Variants in NFIB observed in about 807,000 individuals in gnomAD.
NFIB encodes the protein nuclear factor I B.
A neutral mutation model predicts 61.5 loss-of-function variants in NFIB; 11 were observed. The observed-to-expected ratio is 0.18, with a 90% confidence interval of 0.11 to 0.30. The LOEUF (loss-of-function observed/expected upper bound fraction) is 0.30. NFIB is among the 10% of genes least tolerant of loss of function. The pLI, the probability that NFIB is intolerant of heterozygous loss-of-function variation, is 1.00. For missense variants in NFIB, 471 were observed against 608.9 expected (o/e 0.77, Z 2.38); for synonymous variants, 260 against 216.5 (o/e 1.20, Z -1.76).
chr9:14,412,609 G>T, the NFIB span, among the ~76,000 whole-genome samples: 1 of 152,266 alleles, frequency 6.6e-6, no homozygotes, highest in Non-Finnish European at 1.5e-5. Context: ...GCTTCCAGAA[G>T]ATGTGATCTG....
intron 2 of NFIB, among the ~76,000 whole-genome samples, chr9:14,181,891 T>A (rs1329748723): frequency 6.6e-6 from 1 of 152,206 alleles, no homozygotes; most frequent in East Asian, 1.9e-4. Context: ...AGCAGTCGCC[T>A]TATTTCAGGA....
the NFIB span, among the ~76,000 whole-genome samples, chr9:14,408,322 A>C: frequency 6.6e-6 from 1 of 152,210 alleles, no homozygotes; most frequent in Non-Finnish European, 1.5e-5. Context: ...CTAAACCATG[A>C]ACCTATTTCA....
At chr9:14,279,874 T>C (rs1156913295) in intron 2 of NFIB, among the ~76,000 whole-genome samples, 1 of 152,194 alleles carries the variant, frequency 6.6e-6, no homozygotes, top group Admixed American at 6.5e-5. Flanking sequence ...TCCTTTTGCA[T>C]ATTTCTCATC....
the NFIB span, among the ~76,000 whole-genome samples, chr9:14,410,478 G>T: frequency 2.0e-5 from 3 of 152,308 alleles, no homozygotes; most frequent in East Asian, 5.8e-4. Flanking sequence ...GAGGTTAGGA[G>T]ATTTGGGAAG....
chr9:14,116,457 C>A, intron 8 of NFIB, 111 bp from the exon 9 acceptor site: 1 of 1,142,124 alleles, frequency 8.8e-7, no homozygotes, highest in Non-Finnish European at 1.1e-6. Context: ...TGCGCATAGG[C>A]GCCACACAGG....
At chr9:14,431,219 A>T in the NFIB span, among the ~76,000 whole-genome samples, 1 of 152,212 alleles carries the variant, frequency 6.6e-6, no homozygotes, top group Non-Finnish European at 1.5e-5. Flanking sequence ...TGATGAAAAC[A>T]ACCATTGGTT....
At chr9:14,451,484 T>G in the NFIB span, among the ~76,000 whole-genome samples, 6 of 152,316 alleles carry the variant, frequency 3.9e-5, no homozygotes, top group East Asian at 1.2e-3. Flanking sequence ...GTTTCTAAAA[T>G]ATAAGGATGT....
chr9:14,267,423 A>C (rs2057291237), intron 2 of NFIB, among the ~76,000 whole-genome samples: 1 of 152,172 alleles, frequency 6.6e-6, no homozygotes, highest in African/African-American at 2.4e-5. Context: ...CAAATGGCTC[A>C]AAGGGCCTTT....
At position 14,082,762 on chromosome 9, in the gene NFIB, A is replaced by G. The variant is rs2032195578; in HGVS notation, c.*5547T>C. The G allele has an allele frequency of 5.2e-6, 1 of 194,016 alleles. No homozygotes were observed. Among genetic ancestry groups the G allele is most frequent in the Non-Finnish European group, 1.1e-5 (1 of 94,684 alleles). The allele number at this position is 194,016 out of a possible 1,614,324, so 12.0% of individuals were successfully genotyped here. ...CTCGATGAAGGATGCATAAAAAGCC[A>G]TACTTCTTAAAAAAAAAAAAAAGAA... On this transcript the variant is annotated 3_prime_UTR_variant, in exon 11 of 11. Coordinates refer to ENST00000380953, the MANE Select transcript of NFIB (RefSeq NM_001190737.2).
intron 6 of NFIB, among the ~76,000 whole-genome samples, chr9:14,136,134 G>C (rs1228522584): frequency 4.6e-5 from 7 of 152,066 alleles, no homozygotes; most frequent in Non-Finnish European, 8.8e-5. Flanking sequence ...GAATAATGAA[G>C]AACAGTGCTA....
chr9:14,306,259 C>T (rs2060012963), intron 2 of NFIB, among the ~76,000 whole-genome samples: 1 of 152,116 alleles, frequency 6.6e-6, no homozygotes, highest in African/African-American at 2.4e-5. Flanking sequence ...CGACTTTCCT[C>T]CTCGGTAAGT....
At chr9:14,475,017 CA>C in the NFIB span, among the ~76,000 whole-genome samples, 1 of 152,186 alleles carries the variant, frequency 6.6e-6, no homozygotes, top group African/African-American at 2.4e-5. Context: ...TCAACTGAAT[CA>C]AATGCTAATG....
intron 2 of NFIB, among the ~76,000 whole-genome samples, chr9:14,225,795 CA>C (rs2052328847): frequency 6.6e-6 from 1 of 152,052 alleles, no homozygotes; most frequent in Non-Finnish European, 1.5e-5. Context: ...TCCAGAAATA[CA>C]GAACAAAATA....
At chr9:14,128,034 G>A (rs115176003) in intron 6 of NFIB, among the ~76,000 whole-genome samples, 2,036 of 149,746 alleles carry the variant, frequency 0.014, 48 homozygotes, top group African/African-American at 0.047. Flanking sequence ...TTAAAAAATA[G>A]ACAAAGCTCA....
chr9:14,121,240 G>C (rs1322849070), intron 7 of NFIB, among the ~76,000 whole-genome samples: 3 of 152,200 alleles, frequency 2.0e-5, no homozygotes, highest in Admixed American at 2.0e-4. Flanking sequence ...CTCCAACCTG[G>C]TGACAGAACC....
the NFIB span, among the ~76,000 whole-genome samples, chr9:14,439,994 G>A: frequency 6.6e-6 from 1 of 152,194 alleles, no homozygotes; most frequent in Admixed American, 6.5e-5. Flanking sequence ...GGGTGGCTGA[G>A]CCACATGGGA....
intron 1 of NFIB, among the ~76,000 whole-genome samples, chr9:14,395,119 C>G (rs780893672): frequency 8.6e-5 from 13 of 151,692 alleles, no homozygotes; most frequent in African/African-American, 1.5e-4. Context: ...TCCTCAGAAC[C>G]CTGGGTGCCA....
chr9:14,157,916 G>C (rs889430336), intron 3 of NFIB, among the ~76,000 whole-genome samples: 31 of 151,866 alleles, frequency 2.0e-4, no homozygotes, highest in African/African-American at 7.5e-4. Context: ...TTTGAGACCA[G>C]CCTGGCCAAT....
intron 1 of NFIB, among the ~76,000 whole-genome samples, chr9:14,343,283 G>C (rs544950092): frequency 6.6e-6 from 1 of 152,050 alleles, no homozygotes; most frequent in Non-Finnish European, 1.5e-5. Context: ...CCTCTACCCC[G>C]GTGCCAGAGA....
Sources: gnomAD v4.1 joint callset for allele counts (sites outside exome capture counted in the v4.1 genomes callset) on GRCh38, gnomAD v4.1.1 for gene constraint, MANE v1.5 for transcripts, NCBI Gene and HGNC (gene_info 2026-07-23, HGNC 2026-07-21) for gene names.